USP49: variants seen among roughly 807,000 people sequenced by gnomAD.
The protein encoded by USP49 is ubiquitin carboxyl-terminal hydrolase 49.
In USP49, 24 loss-of-function variants were observed where a neutral mutation model predicts 58.6. That is an observed-to-expected ratio of 0.41 (90% CI 0.30 to 0.58). The LOEUF (loss-of-function observed/expected upper bound fraction) is 0.58. USP49 is among the 20% of genes least tolerant of loss of function. The pLI, the probability that USP49 is intolerant of heterozygous loss-of-function variation, is 0.30. For missense variants in USP49, 703 were observed against 866.1 expected, an observed-to-expected ratio of 0.81 and a Z score of 2.36; for synonymous variants, 408 against 365.1, an observed-to-expected ratio of 1.12 and a Z score of -1.34.
chr6:41,810,735 T>C (rs1373694402), intron 3 of USP49, among the ~76,000 whole-genome samples: 2 of 151,310 alleles, frequency 1.3e-5, no homozygotes, highest in African/African-American at 2.4e-5. Flanking sequence ...TTAGTAGATA[T>C]GGGGTTTCAC....
intron 3 of USP49, among the ~76,000 whole-genome samples, chr6:41,827,539 A>G (rs1773560930): frequency 6.6e-6 from 1 of 152,050 alleles, no homozygotes; most frequent in Non-Finnish European, 1.5e-5. Context: ...GGGCGCCTGT[A>G]GTCCCAGCTA....
chr6:41,824,549 A>T (rs191449458), intron 3 of USP49, among the ~76,000 whole-genome samples: 1 of 152,150 alleles, frequency 6.6e-6, no homozygotes, highest in Non-Finnish European at 1.5e-5. Flanking sequence ...CGTCTCTATT[A>T]AAAAATACAA....
chr6:41,795,499 G>C lies in USP49; in HGVS notation c.*1034C>G, dbSNP rs1772870871. On this transcript the variant is annotated 3_prime_UTR_variant, in exon 8 of 8. Coordinates refer to ENST00000682992, the MANE Select transcript of USP49 (RefSeq NM_001286554.2). ...TATGTACGAGGTGGACTCCTAAGCA[G>C]TTAACATACCCTAGAGAACCAAAAG... 1 of 152,150 alleles carries C rather than the reference G, an allele frequency of 6.6e-6. No individual in the cohort carries two copies. The highest frequency in any genetic ancestry group is 1.5e-5 in the Non-Finnish European group (1 of 68,052). The allele number at this position is 152,150 out of a possible 1,614,324, so 9.4% of individuals were successfully genotyped here.
rs1489867481 is a variant in USP49 at position 41,803,583 on chromosome 6, C to T, written c.1561+223G>A. ...CCTCCCAAAATGCTGGGATTACAGG[C>T]GTGAGCCACAACGCCCAGCCTTGTT... On this transcript the variant is annotated intron_variant, in intron 5 of 7. Coordinates refer to ENST00000682992, the MANE Select transcript of USP49 (RefSeq NM_001286554.2). The surrounding 1 kb of genome is among the most constrained non-coding windows in gnomAD (Gnocchi z 4.1). Among the ~76,000 whole-genome samples the T allele has an allele frequency of 3.3e-5, 5 of 152,226 alleles. No homozygotes were observed. The highest frequency in any genetic ancestry group is 2.0e-4 in the Admixed American group (3 of 15,288).
Position 41,796,408 on chromosome 6 carries a change from C to T in USP49, c.*125G>A, listed in dbSNP as rs910498287. On this transcript the variant is annotated 3_prime_UTR_variant, in exon 8 of 8. Coordinates refer to ENST00000682992, the MANE Select transcript of USP49 (RefSeq NM_001286554.2). ...ACGACAGGACACGAATCACCTGGCA[C>T]CTTCTACTCTAGACCCAGCAAGGCA... 6 of 576,376 alleles carry T rather than the reference C, an allele frequency of 1.0e-5. No individual in the cohort carries two copies. In the East Asian group the frequency reaches 1.4e-4, roughly 13 times the overall value. 35.7% of individuals were successfully genotyped at this position (576,376 alleles called of 1,614,324 possible).
chr6:41,826,094 T>C (rs1367612958), intron 3 of USP49, among the ~76,000 whole-genome samples: 1 of 151,980 alleles, frequency 6.6e-6, no homozygotes, highest in African/African-American at 2.4e-5. Flanking sequence ...TGAAACCCCA[T>C]CTCTACAAAA....
intron 3 of USP49, among the ~76,000 whole-genome samples, chr6:41,814,085 C>T (rs1418606143): frequency 6.6e-6 from 1 of 152,170 alleles, no homozygotes; most frequent in African/African-American, 2.4e-5. Flanking sequence ...TGACAGGCAC[C>T]TAGTACCCAA....
chr6:41,829,704 G>A (rs1177326672), intron 3 of USP49, among the ~76,000 whole-genome samples: 1 of 152,194 alleles, frequency 6.6e-6, no homozygotes, highest in Admixed American at 6.5e-5. Flanking sequence ...TAACCAGGAA[G>A]TTCAGTTGAT....
chr6:41,807,522 C>T (rs1561905133), intron 3 of USP49, among the ~76,000 whole-genome samples: 2 of 152,134 alleles, frequency 1.3e-5, no homozygotes, highest in Admixed American at 6.5e-5. Context: ...CTCATTGCAA[C>T]CTCCACCTCC....
At chr6:41,839,478 AG>A (rs1773785120) in intron 3 of USP49, among the ~76,000 whole-genome samples, 2 of 150,040 alleles carry the variant, frequency 1.3e-5, no homozygotes, top group Admixed American at 1.3e-4. Flanking sequence ...CCACACCTCA[AG>A]GAACTAGAGA....
intron 3 of USP49, among the ~76,000 whole-genome samples, chr6:41,831,326 G>A (rs1446547328): frequency 1.3e-5 from 2 of 152,050 alleles, no homozygotes; most frequent in Admixed American, 6.5e-5. Context: ...GGGGGTGGAG[G>A]TTGCAGTGAG....
Position 41,840,292 on chromosome 6 carries a change from T to C in USP49, c.-29+31272A>G, listed in dbSNP as rs9471673. ...GGGAGGCTGAGGCAGGAGAATGGCG[T>C]CAACCCGGGAGGCGGAGCTTGCAGT... On this transcript the variant is annotated intron_variant, in intron 3 of 7. Coordinates refer to ENST00000682992, the MANE Select transcript of USP49 (RefSeq NM_001286554.2). 6.2e-3 allele frequency among the ~76,000 whole-genome samples: 927 copies of C among 148,798 alleles called. 8 individuals carry two copies. The highest frequency in any genetic ancestry group is 0.02 in the African/African-American group (808 of 40,282).
At position 41,890,621 on chromosome 6, in the gene USP49, C is replaced by T. The variant is rs552036331; in HGVS notation, c.-103+1173G>A. Among the ~76,000 whole-genome samples, 8 of 152,192 alleles carry T rather than the reference C, an allele frequency of 5.3e-5. No homozygotes were observed. The South Asian group carries it at 1.2e-3, about 24-fold the overall frequency. Reference sequence around the variant, plus strand: ...CCAGAGAGGTCCAGGCTGCAGTGAGCTGACGTGGCGCCACTGCATTCGCCT... The same window carrying T: ...CCAGAGAGGTCCAGGCTGCAGTGAGTTGACGTGGCGCCACTGCATTCGCCT... On this transcript the variant is annotated intron_variant, in intron 2 of 7. Transcript: ENST00000682992.
chr6:41,872,086 G>T (rs1481946118), intron 2 of USP49, among the ~76,000 whole-genome samples: 1 of 152,242 alleles, frequency 6.6e-6, no homozygotes, highest in Non-Finnish European at 1.5e-5. Flanking sequence ...GTGGGTTTAT[G>T]ACCTATATGT....
At chr6:41,858,192 A>G (rs1457199470) in intron 3 of USP49, among the ~76,000 whole-genome samples, 1 of 152,000 alleles carries the variant, frequency 6.6e-6, no homozygotes, top group Admixed American at 6.6e-5. Context: ...CCAAAGGAAA[A>G]CCCATTCTAT....
chr6:41,883,963 C>G (rs1250906135), intron 2 of USP49, among the ~76,000 whole-genome samples: 1 of 152,066 alleles, frequency 6.6e-6, no homozygotes, highest in Non-Finnish European at 1.5e-5. Flanking sequence ...TGGATGCACA[C>G]CACAGAATAC....
intron 3 of USP49, among the ~76,000 whole-genome samples, chr6:41,809,906 T>C (rs1170076111): frequency 6.9e-6 from 1 of 145,040 alleles, no homozygotes; most frequent in Non-Finnish European, 1.5e-5. Flanking sequence ...AATCCCAGCA[T>C]TTTGGGAGGC....
intron 2 of USP49, among the ~76,000 whole-genome samples, chr6:41,878,831 A>G (rs2254936): frequency 0.49 from 74,182 of 151,968 alleles, 18,216 homozygotes; most frequent in Middle Eastern, 0.51. Flanking sequence ...TGAGGTGGGT[A>G]TCAGCAGGAT....
chr6:41,848,885 A>G (rs1187802713), intron 3 of USP49, among the ~76,000 whole-genome samples: 1 of 151,544 alleles, frequency 6.6e-6, no homozygotes, highest in African/African-American at 2.4e-5. Context: ...AGAGAGAGAA[A>G]TGGGTTCTTC....
Sources: gnomAD v4.1 joint callset for allele counts (sites outside exome capture counted in the v4.1 genomes callset) on GRCh38, gnomAD v4.1.1 for gene constraint, Gnocchi (gnomAD v3.1) non-coding constraint, MANE v1.5 for transcripts, NCBI Gene and HGNC (gene_info 2026-07-23, HGNC 2026-07-21) for gene names.